The following HS3ST3B1 variants were observed in gnomAD, a reference collection of about 807,000 sequenced individuals.
HS3ST3B1 encodes the protein heparan sulfate glucosamine 3-O-sulfotransferase 3B1.
In HS3ST3B1, 13 loss-of-function variants were observed where a neutral mutation model predicts 21.3. The observed-to-expected ratio is 0.61, with a 90% CI of 0.40 to 0.97. The LOEUF is 0.97. HS3ST3B1 is among the 50% of genes least tolerant of loss of function. HS3ST3B1 has a pLI of 0.00. For missense variants in HS3ST3B1, 459 were observed against 554.8 expected (o/e 0.83, Z 1.73); for synonymous variants, 234 against 254.8 (o/e 0.92, Z 0.78).
intron 1 of HS3ST3B1, chr17:14,329,493 AAAG>A (rs1909932750): frequency 2.7e-5 from 4 of 150,940 alleles, no homozygotes; most frequent in South Asian, 2.1e-4. Flanking sequence ...AGAAGAAAAG[AAAG>A]AAGGAAAGAG....
chr17:14,335,701 A>C (rs921631647), intron 1 of HS3ST3B1, among the ~76,000 whole-genome samples: 1 of 152,186 alleles, frequency 6.6e-6, no homozygotes, highest in East Asian at 1.9e-4. Context: ...CTCAAAAAAA[A>C]AAAAGGAAAA....
At chr17:14,324,589 C>T (rs971820868) in intron 1 of HS3ST3B1, among the ~76,000 whole-genome samples, 2 of 152,030 alleles carry the variant, frequency 1.3e-5, no homozygotes, top group African/African-American at 4.8e-5. Flanking sequence ...CTACATATTT[C>T]GTTTATTTTT....
At chr17:14,317,923 A>C (rs1395584685) in intron 1 of HS3ST3B1, among the ~76,000 whole-genome samples, 1 of 152,116 alleles carries the variant, frequency 6.6e-6, no homozygotes, top group Non-Finnish European at 1.5e-5. Flanking sequence ...AGCAGAAAAC[A>C]CATAGATGGT....
chr17:14,315,889 T>C lies in HS3ST3B1; in HGVS notation c.554+13817T>C, dbSNP rs535967139. 7.0e-4 allele frequency among the ~76,000 whole-genome samples: 106 copies of C among 152,000 alleles called. 2 individuals carry two copies. The highest frequency in any genetic ancestry group is 2.5e-3 in the African/African-American group (102 of 41,500). ...TTCCATGTTAGCATATTAGAGGCCCTGAGAAATACTGTAGCTAAAAACAAA... is the reference window on the plus strand; with the variant it reads ...TTCCATGTTAGCATATTAGAGGCCCCGAGAAATACTGTAGCTAAAAACAAA... On this transcript the variant is annotated intron_variant, in intron 1 of 1. Coordinates refer to ENST00000360954, the MANE Select transcript of HS3ST3B1 (RefSeq NM_006041.3).
In HS3ST3B1 at chr17:14,301,500, C is replaced by A. The variant is rs990256950; in HGVS notation, c.-19C>A. 19 of 1,492,910 alleles carry A rather than the reference C, an allele frequency of 1.3e-5. No homozygotes were observed. In the African/African-American group the frequency reaches 2.6e-4, roughly 20 times the overall value. The allele number at this position is 1,492,910 out of a possible 1,614,324, so 92.5% of individuals were successfully genotyped here. ...GCCATGTGCTGAGCCATGTCCCTGG[C>A]CGCGCCCGCGGGCAGCGCATGGGGC... On this transcript the variant is annotated 5_prime_UTR_variant, in exon 1 of 2. Transcript: ENST00000360954.
intron 1 of HS3ST3B1, among the ~76,000 whole-genome samples, chr17:14,335,385 A>C (rs1298996834): frequency 6.6e-6 from 1 of 152,212 alleles, no homozygotes; most frequent in Non-Finnish European, 1.5e-5. Context: ...AAAAAGCAAC[A>C]GTAAATATAT....
intron 1 of HS3ST3B1, among the ~76,000 whole-genome samples, chr17:14,323,842 G>A (rs1033904977): frequency 6.6e-6 from 1 of 152,212 alleles, no homozygotes; most frequent in South Asian, 2.1e-4. Context: ...GCAATAGAGA[G>A]CTCAGCTCTT....
At chr17:14,310,774 C>A (rs952672544) in intron 1 of HS3ST3B1, among the ~76,000 whole-genome samples, 3 of 152,110 alleles carry the variant, frequency 2.0e-5, no homozygotes, top group Non-Finnish European at 4.4e-5. Flanking sequence ...CGGGCTTGTC[C>A]CTGGTGCCCT....
At chr17:14,304,112 C>CGGA (rs1909045165) in intron 1 of HS3ST3B1, 2 of 152,206 alleles carry the variant, frequency 1.3e-5, no homozygotes. Flanking sequence ...GGTTCGGCTG[C>CGGA]CGACTTGCGC....
intron 1 of HS3ST3B1, among the ~76,000 whole-genome samples, chr17:14,318,487 T>G (rs1909566113): frequency 6.6e-6 from 1 of 152,224 alleles, no homozygotes; most frequent in African/African-American, 2.4e-5. Flanking sequence ...CAGTGTGATT[T>G]AGTCCTGGGC....
chr17:14,338,798 A>G (rs1254021303), intron 1 of HS3ST3B1, among the ~76,000 whole-genome samples: 1 of 152,156 alleles, frequency 6.6e-6, no homozygotes, highest in Non-Finnish European at 1.5e-5. Context: ...GAAATACTCC[A>G]AATCCTCCTG....
chr17:14,317,525 A>G (rs1909536104), intron 1 of HS3ST3B1, among the ~76,000 whole-genome samples: 1 of 152,232 alleles, frequency 6.6e-6, no homozygotes, highest in Non-Finnish European at 1.5e-5. Flanking sequence ...GGCCCAGAGA[A>G]AAAGACACCA....
chr17:14,301,723 C>G lies in HS3ST3B1; in HGVS notation c.205C>G (p.Arg69Gly), dbSNP rs778209762. 1 of 1,602,608 alleles carries G rather than the reference C, an allele frequency of 6.2e-7. No homozygotes were observed. The highest frequency in any genetic ancestry group is 2.2e-5 in the East Asian group (1 of 44,530). Residue 69 changes from arginine to glycine, a missense_variant, in exon 1 of 2, where the codon CGC becomes GGC. Physicochemically the swap from Arg to Gly is moderately radical, Grantham distance 125 (BLOSUM62 -2). Around this residue, in one of 3 missense-constraint regions of HS3ST3B1, gnomAD observed 317 missense variants for 278.6 expected, o/e 1.14. Transcript: ENST00000360954. ...GCTGCTGCTCCTGGGCTCTGGGTCC[C>G]GCGCCGCACACGACCCGCCAGCCCT... The part of the protein sequence containing the change: ...PGLLLLGSGS[R>G]AAHDPPALAT...
intron 1 of HS3ST3B1, chr17:14,304,113 C>G (rs1052686): frequency 0.78 from 118,377 of 152,208 alleles, 46,177 homozygotes; most frequent in Admixed American, 0.78. Flanking sequence ...GTTCGGCTGC[C>G]GACTTGCGCC....
intron 1 of HS3ST3B1, among the ~76,000 whole-genome samples, chr17:14,341,458 C>A (rs1258669242): frequency 1.3e-5 from 2 of 152,194 alleles, no homozygotes; most frequent in African/African-American, 4.8e-5. Context: ...TTGTAACAGC[C>A]TACTAGGTAC....
At position 14,347,128 on chromosome 17, in the gene HS3ST3B1, G is replaced by A. The variant is rs1030007206; in HGVS notation, c.*1482G>A. ...AGTGGCCAAACAGCAAGAACTAAGA[G>A]TGGCCCTTGCAAAAAAAGGTTGGGA... On this transcript the variant is annotated 3_prime_UTR_variant, in exon 2 of 2. Coordinates refer to ENST00000360954, the MANE Select transcript of HS3ST3B1 (RefSeq NM_006041.3). The A allele has an allele frequency of 6.6e-6, 1 of 152,216 alleles. No individual in the cohort carries two copies. The highest frequency in any genetic ancestry group is 1.5e-5 in the Non-Finnish European group (1 of 68,058). 9.4% of individuals were successfully genotyped at this position (152,216 alleles called of 1,614,324 possible).
At chr17:14,341,210 G>A (rs1327717334) in intron 1 of HS3ST3B1, among the ~76,000 whole-genome samples, 3 of 152,196 alleles carry the variant, frequency 2.0e-5, no homozygotes, top group Admixed American at 1.3e-4. Flanking sequence ...CTACTGACAA[G>A]CCCTTCTCTA....
intron 1 of HS3ST3B1, among the ~76,000 whole-genome samples, chr17:14,312,040 G>A (rs891135182): frequency 6.6e-6 from 1 of 152,090 alleles, no homozygotes; most frequent in Admixed American, 6.5e-5. Context: ...TACTTTTCCA[G>A]GAGCTTTCCA....
chr17:14,332,829 C>CTTTTTTTTTTTTTT (rs71147859), intron 1 of HS3ST3B1, among the ~76,000 whole-genome samples: 3 of 91,056 alleles, frequency 3.3e-5, no homozygotes, highest in Non-Finnish European at 4.2e-5. Flanking sequence ...GACCTTTTAT[C>CTTTTTTTTTTTTTT]TTTTTTTTTT....
Sources: allele counts gnomAD v4.1 joint callset (sites outside exome capture counted in the v4.1 genomes callset), GRCh38; gene constraint gnomAD v4.1.1; regional missense constraint gnomAD v4.1.1; transcripts MANE v1.5; gene names NCBI Gene and HGNC (gene_info 2026-07-23, HGNC 2026-07-21).